NAF1: variants seen among roughly 807,000 people sequenced by gnomAD.
NAF1 encodes H/ACA ribonucleoprotein complex non-core subunit NAF1.
NAF1 carries 11 observed loss-of-function variants against 40.6 expected under a neutral mutation model. That is an observed-to-expected ratio of 0.27 (90% CI 0.17 to 0.45). The LOEUF is 0.45. Among genes scored for constraint, NAF1 ranks in the 20% least tolerant of loss-of-function variants. The pLI, the probability that NAF1 is intolerant of heterozygous loss-of-function variation, is 1.00. For synonymous variants in NAF1, 260 were observed against 228.5 expected (o/e 1.14, Z -1.24); for missense variants, 607 against 611.1 (o/e 0.99, Z 0.07).
At chr4:163,139,750 C>A (rs1265093492) in intron 5 of NAF1, among the ~76,000 whole-genome samples, 1 of 152,042 alleles carries the variant, frequency 6.6e-6, no homozygotes, top group African/African-American at 2.4e-5. Flanking sequence ...TTAGTTGTCT[C>A]TTCTACAAAC....
rs780140282 is a variant in NAF1, at chr4:163,166,351, T to TA, written c.365+11dup. ...CCTCTCCCCACAGCTCCGGGTCCCT[T>TA]AGGCACCCGACCTGTCCGAGTCCGA... On this transcript the variant is annotated intron_variant, in intron 1 of 7. Transcript: ENST00000274054. 7.6e-6 allele frequency: 12 copies of TA among 1,576,798 alleles called. No individual in the cohort carries two copies. The highest frequency in any genetic ancestry group is 5.5e-5 in the Admixed American group (3 of 55,016).
At chr4:163,151,458 T>C (rs1370409112) in intron 2 of NAF1, among the ~76,000 whole-genome samples, 1 of 152,032 alleles carries the variant, frequency 6.6e-6, no homozygotes, top group African/African-American at 2.4e-5. Context: ...TTATCCAAAC[T>C]ACTAGCCAGT....
At chr4:163,106,676 ATTTAT>A (rs1277764848), downstream of NAF1, among the ~76,000 whole-genome samples, 22 of 152,310 alleles carry the variant, frequency 1.4e-4, no homozygotes, top group African/African-American at 4.6e-4. Context: ...AAATGGAATA[ATTTAT>A]TTTAATTAAT....
At chr4:163,114,083 A>G (rs1730250423) in intron 2 of NAF1, among the ~76,000 whole-genome samples, 1 of 152,246 alleles carries the variant, frequency 6.6e-6, no homozygotes, top group Non-Finnish European at 1.5e-5. Flanking sequence ...CTGGAAAAGG[A>G]AAGACTGGAA....
chr4:163,140,099 G>A (rs1731199792), intron 5 of NAF1, 124 bp downstream of exon 5: 1 of 681,972 alleles, frequency 1.5e-6, no homozygotes, highest in African/African-American at 1.9e-5. Context: ...GATATTATTA[G>A]GAAGATAAAT....
chr4:163,151,294 T>C (rs187003582), intron 2 of NAF1, among the ~76,000 whole-genome samples: 68 of 152,104 alleles, frequency 4.5e-4, no homozygotes, highest in African/African-American at 1.2e-3. Flanking sequence ...TTGAAACTTG[T>C]GTCACATTTA....
intron 4 of NAF1, among the ~76,000 whole-genome samples, chr4:163,141,430 C>T (rs532521022): frequency 4.6e-5 from 7 of 152,142 alleles, no homozygotes; most frequent in South Asian, 2.1e-4. Context: ...TTCTATAATA[C>T]GTTATTTTTT....
chr4:163,153,078 TC>T (rs1049406854), intron 2 of NAF1, among the ~76,000 whole-genome samples: 3 of 152,206 alleles, frequency 2.0e-5, no homozygotes, highest in Admixed American at 2.0e-4. Flanking sequence ...TTAGCTGCCT[TC>T]CTGCGGGGCA....
intron 4 of NAF1, among the ~76,000 whole-genome samples, chr4:163,140,773 AATC>A (rs1159685901): frequency 6.6e-6 from 1 of 152,242 alleles, no homozygotes; most frequent in Non-Finnish European, 1.5e-5. Context: ...ATACATTTGG[AATC>A]ATCAGATGGG....
intron 2 of NAF1, chr4:163,119,854 A>G (rs890560388): frequency 1.1e-4 from 17 of 152,254 alleles, no homozygotes; most frequent in Non-Finnish European, 2.2e-4. Flanking sequence ...TTGAATGAAT[A>G]AAATTAATGC....
downstream of NAF1, among the ~76,000 whole-genome samples, chr4:163,121,790 T>C (rs893707055): frequency 1.3e-5 from 2 of 152,228 alleles, no homozygotes; most frequent in African/African-American, 2.4e-5. Context: ...CAGGTTAAGA[T>C]AGTGTCCTAA....
At chr4:163,106,589 T>TA (rs1447360997), downstream of NAF1, among the ~76,000 whole-genome samples, 1 of 51,896 alleles carries the variant, frequency 1.9e-5, no homozygotes, top group Non-Finnish European at 4.2e-5. Context: ...AAATAGTCAT[T>TA]TTTTTATTTC....
At chr4:163,153,743 C>T (rs1731841911) in intron 2 of NAF1, among the ~76,000 whole-genome samples, 1 of 152,176 alleles carries the variant, frequency 6.6e-6, no homozygotes, top group Non-Finnish European at 1.5e-5. Context: ...CTCTACCAAT[C>T]AGCAGGATGT....
chr4:163,140,702 C>G (rs1225157868), intron 4 of NAF1, among the ~76,000 whole-genome samples: 3 of 151,948 alleles, frequency 2.0e-5, no homozygotes, highest in Non-Finnish European at 4.4e-5. Flanking sequence ...TAAATTATTG[C>G]TCATTTAACT....
intron 4 of NAF1, 55 bp downstream of exon 4, chr4:163,145,727 G>C: frequency 8.3e-7 from 1 of 1,209,764 alleles, no homozygotes; most frequent in East Asian, 2.6e-5. Flanking sequence ...GGGAAAGTCA[G>C]AAAAAAACAA....
At chr4:163,130,560 G>A (rs956750495) in intron 7 of NAF1, among the ~76,000 whole-genome samples, 2 of 152,060 alleles carry the variant, frequency 1.3e-5, no homozygotes, top group African/African-American at 4.8e-5. Flanking sequence ...CTGGTGAAAG[G>A]ACACACAAAT....
At position 163,166,663 on chromosome 4, in the gene NAF1, C is replaced by T. The variant is rs1164511209; in HGVS notation, c.65G>A (p.Gly22Glu). The change falls in exon 1 of 8, where the codon GGA (glycine) becomes GAA (glutamate). Residue 22 changes from glycine (G) to glutamate (E), a missense_variant. By Grantham distance (98) the Gly-to-Glu change is moderately conservative (BLOSUM62 -2). Coordinates refer to ENST00000274054, the MANE Select transcript of NAF1 (RefSeq NM_138386.3). The part of the protein sequence containing the change: ...ETLKFNGTDF[G>E]VGEGPAAPSP... ...CGGAGCCGCCGGACCTTCCCCAACT[C>T]CAAAGTCGGTGCCATTGAATTTCAG... The T allele has an allele frequency of 6.2e-7, 1 of 1,613,590 alleles. No homozygotes were observed. Among genetic ancestry groups the T allele is most frequent in the African/African-American group, 1.3e-5 (1 of 74,946 alleles).
intron 2 of NAF1, among the ~76,000 whole-genome samples, chr4:163,117,873 C>T (rs938066134): frequency 6.6e-6 from 1 of 152,014 alleles, no homozygotes; most frequent in Admixed American, 6.5e-5. Flanking sequence ...CATTTGGTAG[C>T]CAAATTTTGG....
At chr4:163,105,432 CAAAT>C (rs1730036710), downstream of NAF1, among the ~76,000 whole-genome samples, 1 of 152,150 alleles carries the variant, frequency 6.6e-6, no homozygotes, top group African/African-American at 2.4e-5. Flanking sequence ...AAACTGGAGG[CAAAT>C]AGAATAATCA....
Sources: gnomAD v4.1 joint callset for allele counts (sites outside exome capture counted in the v4.1 genomes callset) on GRCh38, gnomAD v4.1.1 for gene constraint, MANE v1.5 for transcripts, NCBI Gene and HGNC (gene_info 2026-07-23, HGNC 2026-07-21) for gene names.